Variants in CRADD observed in about 807,000 individuals in gnomAD.
CRADD encodes death domain-containing protein CRADD.
A neutral mutation model predicts 15.5 loss-of-function variants in CRADD; 9 were observed. The ratio of observed to expected loss-of-function variants is 0.58; its 90% confidence interval spans 0.35 to 1.01. CRADD has a LOEUF of 1.01. CRADD is among the 50% of genes least tolerant of loss of function. The pLI, the probability that CRADD is intolerant of heterozygous loss-of-function variation, is 0.02. For synonymous variants in CRADD, 118 were observed against 107.6 expected (o/e 1.10, Z -0.60); for missense variants, 227 against 250.3 (o/e 0.91, Z 0.63).
chr12:93,804,409 C>A (rs549550440), intron 2 of CRADD, among the ~76,000 whole-genome samples: 10 of 152,170 alleles, frequency 6.6e-5, no homozygotes, highest in East Asian at 3.9e-4. Context: ...AGGTATATAC[C>A]AGCTACATCT....
chr12:93,820,225 C>T (rs1957754137), intron 2 of CRADD, among the ~76,000 whole-genome samples: 1 of 152,206 alleles, frequency 6.6e-6, no homozygotes. Flanking sequence ...ATCATCATCC[C>T]TCCCCTGTAG....
chr12:93,793,436 C>G (rs1248967771), intron 2 of CRADD, among the ~76,000 whole-genome samples: 1 of 152,140 alleles, frequency 6.6e-6, no homozygotes, highest in South Asian at 2.1e-4. Context: ...CAGGTGGAAA[C>G]CCCTCGTGGT....
At chr12:93,732,139 G>GAAAAAAAAAAAAA in intron 2 of CRADD, among the ~76,000 whole-genome samples, 1 of 105,754 alleles carries the variant, frequency 9.5e-6, no homozygotes, top group African/African-American at 3.3e-5. Context: ...TCCGTCTCAA[G>GAAAAAAAAAAAAA]AAAAAAAAAA....
intron 2 of CRADD, among the ~76,000 whole-genome samples, chr12:93,749,230 G>A (rs962932332): frequency 6.6e-6 from 1 of 152,178 alleles, no homozygotes; most frequent in African/African-American, 2.4e-5. Flanking sequence ...CATGCCAGTA[G>A]CCTCCTAGCT....
At chr12:93,794,277 G>A (rs1957387198) in intron 2 of CRADD, among the ~76,000 whole-genome samples, 1 of 152,010 alleles carries the variant, frequency 6.6e-6, no homozygotes, top group African/African-American at 2.4e-5. Context: ...AATACCTTCT[G>A]GTTGCTAACT....
At position 93,891,436 on chromosome 12, in the gene CRADD, G is replaced by A. The variant is rs572910050; in HGVS notation, c.299-2614G>A. On this transcript the variant is annotated intron_variant, in intron 2 of 2. Transcript: ENST00000548483. ...CTGGAGGCAGAGGTTGCAGTGAGCC[G>A]AGATTGTGTCACTGCACTCCAGCCT... 3.6e-4 allele frequency among the ~76,000 whole-genome samples: 55 copies of A among 152,292 alleles called. No homozygotes were observed. The South Asian group carries it at 5.6e-3, about 15-fold the overall frequency.
chr12:93,777,179 G>A (rs920924310), intron 2 of CRADD, among the ~76,000 whole-genome samples: 4 of 152,184 alleles, frequency 2.6e-5, no homozygotes, highest in Admixed American at 2.6e-4. Context: ...AGGCAAGGTG[G>A]GGGAAGGTGT....
chr12:93,824,159 A>G lies in CRADD; in HGVS notation c.299-25811A>G, dbSNP rs1957799229. On this transcript the variant is annotated intron_variant, in intron 2 of 2. Coordinates refer to ENST00000332896, the MANE Select transcript of CRADD (RefSeq NM_003805.5). This position sits in a 1 kb window ranked among gnomAD's most constrained non-coding sequence, Gnocchi z 4.3. Reference sequence around the variant, plus strand: ...CCTTTGAGTCTGTGAGTTTTGGTGTAAGCTCAGTGGCAATGTTACCCTCAC... The same window carrying G: ...CCTTTGAGTCTGTGAGTTTTGGTGTGAGCTCAGTGGCAATGTTACCCTCAC... Among the ~76,000 whole-genome samples the G allele has an allele frequency of 6.6e-6, 1 of 152,108 alleles. No homozygotes were observed. The highest frequency in any genetic ancestry group is 1.9e-4 in the East Asian group (1 of 5,188).
intron 2 of CRADD, among the ~76,000 whole-genome samples, chr12:93,844,886 G>A (rs1444048113): frequency 2.0e-5 from 3 of 152,186 alleles, no homozygotes; most frequent in East Asian, 1.9e-4. Flanking sequence ...AAAGGAAGGC[G>A]AGAGGACCAG....
At chr12:93,802,121 T>A (rs1040563459) in intron 2 of CRADD, among the ~76,000 whole-genome samples, 1 of 152,234 alleles carries the variant, frequency 6.6e-6, no homozygotes, top group Admixed American at 6.5e-5. Context: ...TGGTTCCCTA[T>A]CTTTGCACTT....
intron 2 of CRADD, among the ~76,000 whole-genome samples, chr12:93,803,842 A>G (rs1445955746): frequency 1.3e-5 from 2 of 152,140 alleles, no homozygotes; most frequent in African/African-American, 4.8e-5. Flanking sequence ...TGGATTATCT[A>G]GATGGGCCCA....
chr12:93,834,634 C>T (rs1843532), intron 2 of CRADD, among the ~76,000 whole-genome samples: 1 of 151,880 alleles, frequency 6.6e-6, no homozygotes, highest in African/African-American at 2.4e-5. Flanking sequence ...GACTACAGGC[C>T]TGCGCCACCA....
chr12:93,864,567 CT>C (rs1401554047), intron 2 of CRADD, among the ~76,000 whole-genome samples: 1 of 152,184 alleles, frequency 6.6e-6, no homozygotes, highest in African/African-American at 2.4e-5. Flanking sequence ...ATTCTCTTTG[CT>C]GGATCCAAAG....
chr12:93,850,358 G>A lies in CRADD; in HGVS notation c.*87G>A, dbSNP rs1282866976. The A allele has an allele frequency of 8.1e-6, 12 of 1,473,446 alleles. No homozygotes were observed. The highest frequency in any genetic ancestry group is 6.0e-5 in the South Asian group (4 of 66,278). The allele number at this position is 1,473,446 out of a possible 1,614,324, so 91.3% of individuals were successfully genotyped here. A position where few individuals can be genotyped will look rare whatever the true frequency, so the allele number is the denominator to read the frequency against. Reference sequence around the variant, plus strand: ...TCACTCAGAGCAGGTGGTTTTTTGTGTAGGTTTGTTTTTTATTTTTGATGA... The same window carrying A: ...TCACTCAGAGCAGGTGGTTTTTTGTATAGGTTTGTTTTTTATTTTTGATGA... On this transcript the variant is annotated 3_prime_UTR_variant, in exon 3 of 3. Transcript: ENST00000332896. This position sits in a 1 kb window ranked among gnomAD's most constrained non-coding sequence, Gnocchi z 4.0.
At chr12:93,691,828 G>A (rs192592375) in intron 2 of CRADD, among the ~76,000 whole-genome samples, 3 of 152,140 alleles carry the variant, frequency 2.0e-5, no homozygotes, top group Admixed American at 6.5e-5. Context: ...AGAAATAATT[G>A]CATGAAGTCA....
chr12:93,726,094 G>GTTTTTTT (rs1165429350), intron 2 of CRADD, among the ~76,000 whole-genome samples: 40 of 96,042 alleles, frequency 4.2e-4, no homozygotes, highest in East Asian at 6.5e-4. Context: ...AAATAGTTTA[G>GTTTTTTT]TTTTTTTTTT....
chr12:93,720,854 T>TCTAC (rs1246087848), intron 2 of CRADD, among the ~76,000 whole-genome samples: 13 of 152,204 alleles, frequency 8.5e-5, no homozygotes, highest in African/African-American at 2.7e-4. Context: ...TGTTTTTTGA[T>TCTAC]CTACCTTGAC....
At chr12:93,782,554 A>G (rs545306519) in intron 2 of CRADD, among the ~76,000 whole-genome samples, 5 of 151,574 alleles carry the variant, frequency 3.3e-5, no homozygotes, top group Admixed American at 6.6e-5. Flanking sequence ...AGATCACGCC[A>G]CTGCACTCCA....
intron 2 of CRADD, among the ~76,000 whole-genome samples, chr12:93,758,098 A>G (rs1956911342): frequency 6.6e-6 from 1 of 152,256 alleles, no homozygotes; most frequent in African/African-American, 2.4e-5. Context: ...AATGAAGTCT[A>G]TCCGTTAAGG....
Sources: gnomAD v4.1 joint callset for allele counts (sites outside exome capture counted in the v4.1 genomes callset) on GRCh38, gnomAD v4.1.1 for gene constraint, Gnocchi (gnomAD v3.1) non-coding constraint, MANE v1.5 for transcripts, NCBI Gene and HGNC (gene_info 2026-07-23, HGNC 2026-07-21) for gene names.